Variants in LOC128092253 observed in about 807,000 individuals in gnomAD.
At chr6:133,959,658 T>C in the LOC128092253 span, among the ~76,000 whole-genome samples, 1 of 152,040 alleles carries the variant, frequency 6.6e-6, no homozygotes, top group African/African-American at 2.4e-5. Flanking sequence ...TTTTTTTGTA[T>C]TTTTAGTAGA....
chr6:133,976,963 G>A, the LOC128092253 span, among the ~76,000 whole-genome samples: 11 of 144,892 alleles, frequency 7.6e-5, no homozygotes, highest in Non-Finnish European at 1.5e-4. Flanking sequence ...GCGAGACTTG[G>A]TCTCAAAAAA....
the LOC128092253 span, among the ~76,000 whole-genome samples, chr6:133,965,283 G>A: frequency 1.7e-4 from 26 of 152,176 alleles, no homozygotes; most frequent in East Asian, 1.5e-3. Context: ...ATTATAGTCC[G>A]TAATATGGGA....
At chr6:133,962,493 C>T in the LOC128092253 span, among the ~76,000 whole-genome samples, 3 of 152,086 alleles carry the variant, frequency 2.0e-5, no homozygotes, top group Admixed American at 6.5e-5. Flanking sequence ...TTGAAGTGAG[C>T]GAGTGTTAAT....
At chr6:133,967,195 A>C in the LOC128092253 span, among the ~76,000 whole-genome samples, 1 of 152,130 alleles carries the variant, frequency 6.6e-6, no homozygotes, top group African/African-American at 2.4e-5. Flanking sequence ...CCTATCCCCT[A>C]GTATGGGTCT....
At chr6:133,973,466 G>A in the LOC128092253 span, among the ~76,000 whole-genome samples, 1 of 152,028 alleles carries the variant, frequency 6.6e-6, no homozygotes, top group African/African-American at 2.4e-5. Context: ...TTTTTGCTTC[G>A]TTTTTATGAC....
the LOC128092253 span, among the ~76,000 whole-genome samples, chr6:133,976,229 G>A: frequency 6.6e-6 from 1 of 151,984 alleles, no homozygotes; most frequent in African/African-American, 2.4e-5. Flanking sequence ...AGAATTAAAC[G>A]AAATAATTTG....
At chr6:133,975,228 G>A in the LOC128092253 span, among the ~76,000 whole-genome samples, 1 of 152,008 alleles carries the variant, frequency 6.6e-6, no homozygotes, top group Non-Finnish European at 1.5e-5. Flanking sequence ...AGTGAAAAAA[G>A]GGTAAGTAGG....
chr6:133,975,272 A>G, the LOC128092253 span, among the ~76,000 whole-genome samples: 2 of 152,164 alleles, frequency 1.3e-5, no homozygotes, highest in Non-Finnish European at 2.9e-5. Flanking sequence ...TATTAAGACA[A>G]CCATGAAGAA....
At chr6:133,954,170 G>C in the LOC128092253 span, among the ~76,000 whole-genome samples, 1 of 152,330 alleles carries the variant, frequency 6.6e-6, no homozygotes, top group East Asian at 1.9e-4. Context: ...ATTGCAATAA[G>C]ACTCAAACTG....
the LOC128092253 span, among the ~76,000 whole-genome samples, chr6:133,957,825 C>T: frequency 6.6e-6 from 1 of 152,202 alleles, no homozygotes; most frequent in Non-Finnish European, 1.5e-5. Flanking sequence ...GCATAAAGCA[C>T]TTAGAACTTT....
the LOC128092253 span, among the ~76,000 whole-genome samples, chr6:133,954,431 G>C: frequency 6.6e-6 from 1 of 152,228 alleles, no homozygotes; most frequent in Non-Finnish European, 1.5e-5. Context: ...GAAAATGGCA[G>C]TTCCTTCCTA....
chr6:133,971,889 A>G, the LOC128092253 span, among the ~76,000 whole-genome samples: 2 of 152,164 alleles, frequency 1.3e-5, no homozygotes, highest in South Asian at 2.1e-4. Flanking sequence ...TTGGCTTTTC[A>G]CCCTGTTAAT....
chr6:133,975,150 G>A, the LOC128092253 span, among the ~76,000 whole-genome samples: 1 of 152,010 alleles, frequency 6.6e-6, no homozygotes, highest in African/African-American at 2.4e-5. Flanking sequence ...TTTGTTCTGA[G>A]AAGAAACCAA....
At chr6:133,957,522 A>G in the LOC128092253 span, among the ~76,000 whole-genome samples, 23 of 152,246 alleles carry the variant, frequency 1.5e-4, no homozygotes, top group Non-Finnish European at 2.8e-4. Flanking sequence ...AAATGGTTCC[A>G]AAGAATCAGG....
chr6:133,974,443 C>T, the LOC128092253 span, among the ~76,000 whole-genome samples: 2 of 152,212 alleles, frequency 1.3e-5, no homozygotes, highest in African/African-American at 4.8e-5. Context: ...AAGCAATTCT[C>T]CTTCCTCAGC....
At chr6:133,978,819 C>T in the LOC128092253 span, among the ~76,000 whole-genome samples, 1 of 152,230 alleles carries the variant, frequency 6.6e-6, no homozygotes, top group East Asian at 1.9e-4. Flanking sequence ...GGCCCCTTCA[C>T]TGTTTTAGTT....
the LOC128092253 span, among the ~76,000 whole-genome samples, chr6:133,958,793 C>G: frequency 2.0e-5 from 3 of 151,986 alleles, no homozygotes; most frequent in Non-Finnish European, 4.4e-5. Flanking sequence ...TTATTAAAAG[C>G]ATATTTTGCT....
At chr6:133,957,131 G>C in the LOC128092253 span, among the ~76,000 whole-genome samples, 1 of 152,170 alleles carries the variant, frequency 6.6e-6, no homozygotes, top group African/African-American at 2.4e-5. Flanking sequence ...GGCTGGTTTT[G>C]TGGGTTGAAG....
the LOC128092253 span, among the ~76,000 whole-genome samples, chr6:133,958,275 A>G: frequency 1.3e-5 from 2 of 152,240 alleles, no homozygotes; most frequent in Admixed American, 6.5e-5. Flanking sequence ...GGCTTTCGTT[A>G]GAAGGCACTA....
Sources: gnomAD v4.1 joint callset for allele counts (sites outside exome capture counted in the v4.1 genomes callset) on GRCh38, gnomAD v4.1.1 for gene constraint, MANE v1.5 for transcripts.